The following LRRTM4 variants were observed in gnomAD, a reference collection of about 807,000 sequenced individuals.
The protein encoded by LRRTM4 is leucine-rich repeat transmembrane neuronal protein 4.
In LRRTM4, 25 loss-of-function variants were observed where a neutral mutation model predicts 47.6. That is an observed-to-expected ratio of 0.53 (90% CI 0.38 to 0.73). The LOEUF is 0.73. LRRTM4 is among the 30% of genes least tolerant of loss of function. The probability of loss-of-function intolerance (pLI) is 0.00; values close to 1 mark genes in which losing one functional copy is unlikely to be tolerated. For missense variants in LRRTM4, 638 were observed against 713.4 expected (o/e 0.89, Z 1.20); for synonymous variants, 311 against 269.5 (o/e 1.15, Z -1.51).
At chr2:77,090,626 G>C (rs910045888) in intron 3 of LRRTM4, among the ~76,000 whole-genome samples, 1 of 152,124 alleles carries the variant, frequency 6.6e-6, no homozygotes, top group African/African-American at 2.4e-5. Context: ...CCTTCCTCCA[G>C]AACCTCCTCC....
chr2:76,847,392 C>G (rs1489699775), intron 3 of LRRTM4, among the ~76,000 whole-genome samples: 3 of 151,964 alleles, frequency 2.0e-5, no homozygotes, highest in African/African-American at 4.8e-5. Context: ...CAAAATAATT[C>G]TCTTTTCAGT....
At chr2:77,285,154 G>A (rs1676614443) in intron 3 of LRRTM4, among the ~76,000 whole-genome samples, 1 of 151,376 alleles carries the variant, frequency 6.6e-6, no homozygotes, top group Admixed American at 6.6e-5. Context: ...TTGTTTTCCT[G>A]CTCTTTCATT....
intron 3 of LRRTM4, among the ~76,000 whole-genome samples, chr2:77,324,199 T>C (rs1485394343): frequency 6.6e-6 from 1 of 152,166 alleles, no homozygotes; most frequent in Non-Finnish European, 1.5e-5. Context: ...ACTTTATTGA[T>C]ATTTTTTCTC....
chr2:77,041,168 A>G (rs1584234), intron 3 of LRRTM4, among the ~76,000 whole-genome samples: 81,054 of 151,252 alleles, frequency 0.54, 24,290 homozygotes, highest in African/African-American at 0.81. Context: ...GTGAGATCAA[A>G]CACTATTTGT....
chr2:76,826,352 C>T (rs1671190703), intron 3 of LRRTM4, among the ~76,000 whole-genome samples: 1 of 151,288 alleles, frequency 6.6e-6, no homozygotes, highest in African/African-American at 2.4e-5. Flanking sequence ...GGCATCATGG[C>T]ATATCAGCTG....
chr2:76,986,683 A>G (rs530712546), intron 3 of LRRTM4, among the ~76,000 whole-genome samples: 11 of 152,058 alleles, frequency 7.2e-5, no homozygotes, highest in African/African-American at 2.4e-4. Context: ...TGAAAAGAAA[A>G]TCAACAGGGA....
intron 3 of LRRTM4, among the ~76,000 whole-genome samples, chr2:76,996,022 A>G (rs10172981): frequency 0.23 from 33,904 of 147,150 alleles, 4,154 homozygotes; most frequent in African/African-American, 0.33. Flanking sequence ...GAATCTACCT[A>G]AAATACTCAG....
chr2:77,065,783 T>C (rs995029555), intron 3 of LRRTM4, among the ~76,000 whole-genome samples: 2 of 152,118 alleles, frequency 1.3e-5, no homozygotes, highest in Admixed American at 1.3e-4. Context: ...CAGAATGGAG[T>C]TAATTTCCAA....
chr2:76,801,011 C>A, intron 3 of LRRTM4, among the ~76,000 whole-genome samples: 1 of 146,916 alleles, frequency 6.8e-6, no homozygotes, highest in East Asian at 2.1e-4. Flanking sequence ...AGGCAGGAAA[C>A]AACAGGTGCT....
chr2:77,013,099 T>C (rs1284301698), intron 3 of LRRTM4, among the ~76,000 whole-genome samples: 2 of 152,230 alleles, frequency 1.3e-5, no homozygotes, highest in Non-Finnish European at 2.9e-5. Flanking sequence ...CTCATTTTTC[T>C]TTTTTTCCTT....
chr2:77,521,792 G>T lies in LRRTM4; in HGVS notation c.-121C>A, dbSNP rs1192641234. 1.0e-6 allele frequency: 1 copy of T among 978,842 alleles called. No homozygotes were observed. The highest frequency in any genetic ancestry group is 1.5e-6 in the Non-Finnish European group (1 of 646,274). The allele number at this position is 978,842 out of a possible 1,614,324, so 60.6% of individuals were successfully genotyped here. ...CTGTCATTCACACCATTCTGATCCC[G>T]CATGTGAGCTAGTAGCCCCATACAA... On this transcript the variant is annotated 5_prime_UTR_variant, in exon 2 of 4. Transcript: ENST00000409884.
intron 3 of LRRTM4, among the ~76,000 whole-genome samples, chr2:77,289,006 A>G (rs149518997): frequency 6.6e-6 from 1 of 152,088 alleles, no homozygotes; most frequent in African/African-American, 2.4e-5. Flanking sequence ...ATTTTGAAAA[A>G]GAATAGTTGT....
intron 3 of LRRTM4, among the ~76,000 whole-genome samples, chr2:76,806,234 A>C (rs1311096217): frequency 6.6e-6 from 1 of 152,218 alleles, no homozygotes; most frequent in South Asian, 2.1e-4. Flanking sequence ...AACCTACCTT[A>C]AACTGTAAAA....
intron 3 of LRRTM4, among the ~76,000 whole-genome samples, chr2:77,021,877 C>G (rs1378210538): frequency 2.0e-5 from 3 of 152,114 alleles, no homozygotes; most frequent in African/African-American, 7.2e-5. Flanking sequence ...TTGCCACACC[C>G]AAATTAATTA....
intron 3 of LRRTM4, among the ~76,000 whole-genome samples, chr2:76,852,314 G>C (rs965710849): frequency 6.6e-6 from 1 of 152,128 alleles, no homozygotes; most frequent in Non-Finnish European, 1.5e-5. Context: ...TCACAGCTTC[G>C]TACCATCCTT....
intron 3 of LRRTM4, among the ~76,000 whole-genome samples, chr2:76,934,553 T>G (rs1004884360): frequency 6.6e-6 from 1 of 152,140 alleles, no homozygotes; most frequent in Non-Finnish European, 1.5e-5. Context: ...GCAAAAAAAT[T>G]TAAAAAGCCC....
rs5832290 is a variant in LRRTM4 at position 77,521,837 on chromosome 2, C to CAAAAA, written c.-147-24_-147-20dup. The CAAAAA allele has an allele frequency of 1.3e-5, 2 of 156,324 alleles. No homozygotes were observed. Among genetic ancestry groups the CAAAAA allele is most frequent in the African/African-American group, 8.9e-5 (2 of 22,404 alleles). 9.7% of individuals were successfully genotyped at this position (156,324 alleles called of 1,614,324 possible). A position where few individuals can be genotyped will look rare whatever the true frequency, so the allele number is the denominator to read the frequency against. On this transcript the variant is annotated intron_variant, in intron 1 of 3. Coordinates refer to ENST00000409884, the MANE Select transcript of LRRTM4 (RefSeq NM_001134745.3). ...ATACAAACTTCCCCGAGAGGACAGG[C>CAAAAA]AAAAAAAAAAAAAAAAAATACATAT... is the stretch of plus-strand genomic sequence containing the variant.
chr2:76,893,931 GT>G (rs763340207), intron 3 of LRRTM4, among the ~76,000 whole-genome samples: 8 of 151,826 alleles, frequency 5.3e-5, no homozygotes, highest in Non-Finnish European at 1.0e-4. Flanking sequence ...TAGCATACAA[GT>G]TTTTCCTCAC....
At chr2:76,917,455 C>T (rs1443626115) in intron 3 of LRRTM4, among the ~76,000 whole-genome samples, 3 of 152,158 alleles carry the variant, frequency 2.0e-5, no homozygotes, top group African/African-American at 4.8e-5. Flanking sequence ...ATCTATGTTT[C>T]GCTCAGAATC....
Sources: allele counts gnomAD v4.1 joint callset (sites outside exome capture counted in the v4.1 genomes callset), GRCh38; gene constraint gnomAD v4.1.1; transcripts MANE v1.5; gene names NCBI Gene and HGNC (gene_info 2026-07-23, HGNC 2026-07-21).